The following MALRD1 variants were observed in gnomAD, a reference collection of about 807,000 sequenced individuals.
MALRD1 encodes MAM and LDL receptor class A domain containing 1.
In MALRD1, 247 loss-of-function variants were observed where a neutral mutation model predicts 242.1. The observed-to-expected ratio is 1.02, with a 90% CI of 0.92 to 1.13. The LOEUF is 1.13. MALRD1 is among the 50% of genes most tolerant of loss of function. MALRD1 has a pLI of 0.00. For synonymous variants in MALRD1, 995 were observed against 866.6 expected, an observed-to-expected ratio of 1.15 and a Z score of -2.60; for missense variants, 2,989 against 2,533.1, an observed-to-expected ratio of 1.18 and a Z score of -3.86.
intron 38 of MALRD1, among the ~76,000 whole-genome samples, chr10:19,715,588 G>A (rs1834344694): frequency 6.6e-6 from 1 of 152,122 alleles, no homozygotes; most frequent in Admixed American, 6.5e-5. Context: ...TGAACCCCCA[G>A]TGCTTAGTAG....
intron 28 of MALRD1, among the ~76,000 whole-genome samples, chr10:19,418,706 A>G (rs1173795193): frequency 6.6e-6 from 1 of 152,198 alleles, no homozygotes; most frequent in Admixed American, 6.5e-5. Context: ...GCCACATAGA[A>G]GAGATATCTC....
chr10:19,443,851 G>C (rs1169499042), intron 28 of MALRD1, among the ~76,000 whole-genome samples: 1 of 152,220 alleles, frequency 6.6e-6, no homozygotes, highest in Non-Finnish European at 1.5e-5. Flanking sequence ...TTGGTGCACA[G>C]CTGAGTTCAA....
intron 36 of MALRD1, among the ~76,000 whole-genome samples, chr10:19,673,742 C>T (rs1391984423): frequency 6.6e-6 from 1 of 152,078 alleles, no homozygotes; most frequent in Non-Finnish European, 1.5e-5. Flanking sequence ...TCATGGATTT[C>T]CACAGTTTCT....
intron 29 of MALRD1, among the ~76,000 whole-genome samples, chr10:19,470,337 A>G (rs1382493745): frequency 6.6e-6 from 1 of 151,972 alleles, no homozygotes; most frequent in Non-Finnish European, 1.5e-5. Context: ...TTCTTTATGC[A>G]TTCATCCATC....
chr10:19,296,901 T>C (rs1203296828), intron 21 of MALRD1, among the ~76,000 whole-genome samples: 1 of 151,882 alleles, frequency 6.6e-6, no homozygotes, highest in Admixed American at 6.6e-5. Flanking sequence ...TTTTGTGTTT[T>C]CATAAGGCTC....
chr10:19,347,341 T>C (rs1354474184), intron 24 of MALRD1, among the ~76,000 whole-genome samples: 1 of 152,166 alleles, frequency 6.6e-6, no homozygotes, highest in African/African-American at 2.4e-5. Context: ...AAAGAACTGT[T>C]CTAAAAAAAT....
chr10:19,365,686 A>C lies in MALRD1; in HGVS notation c.4441+13389A>C, dbSNP rs989941950. ...AAAAAAAAAAAAAAAAAAAAAAAAA[A>C]AACAAGCTACTATGTTTTTTGAATA... is the stretch of plus-strand genomic sequence containing the variant. On this transcript the variant is annotated intron_variant, in intron 26 of 39. Transcript: ENST00000454679. 4.8e-4 allele frequency among the ~76,000 whole-genome samples: 51 copies of C among 106,598 alleles called. 2 individuals are homozygous for C. Among genetic ancestry groups the C allele is most frequent in the South Asian group, 5.4e-4 (2 of 3,720 alleles). The allele number at this position is 106,598 out of a possible 152,430, so 69.9% of individuals were successfully genotyped here.
At chr10:19,453,886 A>G (rs962500537) in intron 29 of MALRD1, among the ~76,000 whole-genome samples, 6 of 151,792 alleles carry the variant, frequency 4.0e-5, no homozygotes, top group Non-Finnish European at 7.4e-5. Flanking sequence ...GAAAAAAAAA[A>G]AAATTGAAAA....
intron 24 of MALRD1, among the ~76,000 whole-genome samples, chr10:19,343,587 C>G (rs1447763687): frequency 1.3e-5 from 2 of 152,120 alleles, no homozygotes; most frequent in Non-Finnish European, 2.9e-5. Context: ...AAATGGAACT[C>G]TACAGGATGT....
chr10:19,502,012 C>CAAAAAAAAAAAAAAAAAAAA, intron 31 of MALRD1, among the ~76,000 whole-genome samples: 1 of 40,370 alleles, frequency 2.5e-5, no homozygotes, highest in Non-Finnish European at 4.4e-5. Context: ...GATTCTGTCT[C>CAAAAAAAAAAAAAAAAAAAA]AAAAAAAAAA....
At chr10:19,065,559 A>T (rs1266846520) in intron 1 of MALRD1, among the ~76,000 whole-genome samples, 2 of 152,128 alleles carry the variant, frequency 1.3e-5, no homozygotes, top group Non-Finnish European at 2.9e-5. Context: ...TGACCAGAGA[A>T]CAAGTCCTAT....
chr10:19,222,787 A>C (rs1421453054), intron 18 of MALRD1, among the ~76,000 whole-genome samples: 2 of 152,142 alleles, frequency 1.3e-5, no homozygotes. Context: ...TATTGAACCA[A>C]ATAGTTTTGC....
intron 24 of MALRD1, among the ~76,000 whole-genome samples, chr10:19,339,452 C>T (rs932551029): frequency 6.6e-6 from 1 of 152,118 alleles, no homozygotes; most frequent in Non-Finnish European, 1.5e-5. Context: ...TATACATATT[C>T]AGCTTTCCAC....
intron 21 of MALRD1, among the ~76,000 whole-genome samples, chr10:19,287,783 TCAGAACTC>T (rs1841200517): frequency 6.6e-6 from 1 of 152,124 alleles, no homozygotes; most frequent in South Asian, 2.1e-4. Context: ...AATGCATTTC[TCAGAACTC>T]ATTCCCGTCA....
chr10:19,601,325 T>A (rs887900738), intron 34 of MALRD1, among the ~76,000 whole-genome samples: 4 of 152,128 alleles, frequency 2.6e-5, no homozygotes, highest in African/African-American at 9.7e-5. Flanking sequence ...GGAATTATTC[T>A]ATGTTGTACT....
intron 32 of MALRD1, among the ~76,000 whole-genome samples, chr10:19,543,440 T>TTC (rs1835073640): frequency 7.0e-6 from 1 of 143,152 alleles, no homozygotes; most frequent in African/African-American, 2.6e-5. Context: ...TTTCTTTTTT[T>TTC]TTTTTTTTTT....
chr10:19,644,928 T>C (rs780185027), intron 36 of MALRD1, among the ~76,000 whole-genome samples: 3 of 152,208 alleles, frequency 2.0e-5, no homozygotes, highest in Non-Finnish European at 4.4e-5. Context: ...CTATTGTCCA[T>C]GTGGAGTAAG....
intron 33 of MALRD1, among the ~76,000 whole-genome samples, chr10:19,589,377 TGA>T (rs1294474445): frequency 6.6e-6 from 1 of 152,208 alleles, no homozygotes; most frequent in East Asian, 1.9e-4. Flanking sequence ...TGCAAGTGAA[TGA>T]GAGTAACTTT....
At chr10:19,326,900 C>G (rs1843157750) in intron 22 of MALRD1, among the ~76,000 whole-genome samples, 1 of 152,068 alleles carries the variant, frequency 6.6e-6, no homozygotes, top group South Asian at 2.1e-4. Context: ...TTGTTCCACT[C>G]TCCTTTGAGC....
Sources: allele counts gnomAD v4.1 joint callset (sites outside exome capture counted in the v4.1 genomes callset), GRCh38; gene constraint gnomAD v4.1.1; transcripts MANE v1.5; gene names NCBI Gene and HGNC (gene_info 2026-07-23, HGNC 2026-07-21).